Variants in FAT3 observed in about 807,000 individuals in gnomAD.
FAT3 encodes FAT atypical cadherin 3.
FAT3 carries 95 observed loss-of-function variants against 310.2 expected under a neutral mutation model. The observed-to-expected ratio is 0.31, with a 90% CI of 0.26 to 0.36. FAT3 has a LOEUF of 0.36. Among genes scored for constraint, FAT3 ranks in the 10% least tolerant of loss-of-function variants. The pLI is 1.00. For synonymous variants in FAT3, 2,314 were observed against 2,192.9 expected (o/e 1.06, Z -1.54); for missense variants, 5,408 against 5,715.6 (o/e 0.95, Z 1.74).
At chr11:92,236,503 T>C (rs1864427062) in intron 1 of FAT3, among the ~76,000 whole-genome samples, 1 of 152,192 alleles carries the variant, frequency 6.6e-6, no homozygotes, top group African/African-American at 2.4e-5. Flanking sequence ...AAATATTCAA[T>C]GACTATTTCC....
At chr11:92,628,367 T>A (rs1056723295) in intron 3 of FAT3, among the ~76,000 whole-genome samples, 1 of 152,232 alleles carries the variant, frequency 6.6e-6, no homozygotes, top group Non-Finnish European at 1.5e-5. Context: ...TAGCTTCTGT[T>A]CTTCGTGTTT....
chr11:92,428,904 C>T (rs543550240), intron 2 of FAT3, among the ~76,000 whole-genome samples: 17 of 152,172 alleles, frequency 1.1e-4, no homozygotes, highest in South Asian at 2.1e-4. Flanking sequence ...TCCACTCGGT[C>T]GAGAGCTGAG....
At chr11:92,444,001 C>G (rs1591299140) in intron 2 of FAT3, among the ~76,000 whole-genome samples, 1 of 152,140 alleles carries the variant, frequency 6.6e-6, no homozygotes, top group South Asian at 2.1e-4. Flanking sequence ...ACAGTGTTTC[C>G]TATGCATCAT....
At chr11:92,551,414 T>TTGTTTTGTTTTGTGTGTG (rs35238743) in intron 3 of FAT3, among the ~76,000 whole-genome samples, 2 of 128,876 alleles carry the variant, frequency 1.6e-5, no homozygotes, top group Non-Finnish European at 3.2e-5. Flanking sequence ...TTTTTTTGTT[T>TTGTTTTGTTTTGTGTGTG]TGTGTGTGTG....
chr11:92,476,766 A>G (rs1952062268), intron 2 of FAT3, among the ~76,000 whole-genome samples: 1 of 152,220 alleles, frequency 6.6e-6, no homozygotes. Flanking sequence ...TGCAGTGGGT[A>G]CTATGAATAC....
chr11:92,856,070 T>G (rs1451670125), intron 19 of FAT3, among the ~76,000 whole-genome samples: 1 of 151,422 alleles, frequency 6.6e-6, no homozygotes, highest in Admixed American at 6.6e-5. Flanking sequence ...AACCTCAAAT[T>G]TCTGACCTTA....
At chr11:92,696,091 A>C (rs2135902614) in intron 3 of FAT3, among the ~76,000 whole-genome samples, 1 of 149,870 alleles carries the variant, frequency 6.7e-6, no homozygotes, top group East Asian at 1.9e-4. Context: ...CTTGAATCAT[A>C]AGCTCATTTT....
intron 3 of FAT3, among the ~76,000 whole-genome samples, chr11:92,618,870 A>G (rs897545687): frequency 2.0e-4 from 31 of 152,126 alleles, no homozygotes; most frequent in Admixed American, 1.1e-3. Context: ...TAGAACTTCC[A>G]ATAGAAATCT....
chr11:92,335,640 A>G (rs534983984), intron 1 of FAT3, among the ~76,000 whole-genome samples: 62 of 152,304 alleles, frequency 4.1e-4, no homozygotes, highest in African/African-American at 1.3e-3. Context: ...AAAATTGACC[A>G]TCTTAGCCAT....
chr11:92,413,811 C>T (rs1950349139), intron 2 of FAT3, among the ~76,000 whole-genome samples: 2 of 152,090 alleles, frequency 1.3e-5, no homozygotes, highest in Non-Finnish European at 2.9e-5. Context: ...TGTTGACAGG[C>T]GGGAGAGGAA....
chr11:92,433,798 C>T (rs1018215000), intron 2 of FAT3, among the ~76,000 whole-genome samples: 2 of 151,636 alleles, frequency 1.3e-5, no homozygotes, highest in Non-Finnish European at 2.9e-5. Flanking sequence ...ATCATGAGGT[C>T]AGGAGATTGA....
chr11:92,526,212 A>G (rs1406158055), intron 3 of FAT3, among the ~76,000 whole-genome samples: 2 of 152,162 alleles, frequency 1.3e-5, no homozygotes, highest in Non-Finnish European at 2.9e-5. Context: ...CAGGCCTCCA[A>G]CTTTCCTGGG....
At chr11:92,842,827 T>A (rs1427153589) in intron 18 of FAT3, among the ~76,000 whole-genome samples, 6 of 152,320 alleles carry the variant, frequency 3.9e-5, no homozygotes, top group African/African-American at 1.2e-4. Context: ...TGCAGTGAGC[T>A]GTGATTGTAC....
chr11:92,567,120 A>G (rs924793783), intron 3 of FAT3, among the ~76,000 whole-genome samples: 1 of 151,980 alleles, frequency 6.6e-6, no homozygotes, highest in Non-Finnish European at 1.5e-5. Context: ...ATAGGAGAAA[A>G]TTTTCACAAC....
rs75311037 is a variant in FAT3 at position 92,501,936 on chromosome 11, G to C, written c.3293-22698G>C. The stretch of plus-strand genomic sequence containing the variant: ...GATGCCATGCTTATGAACTCGAGGA[G>C]TTCACAACTTAATGAGAGGAGCAAA... On this transcript the variant is annotated intron_variant, in intron 2 of 27. Transcript: ENST00000525166. Among the ~76,000 whole-genome samples the C allele has an allele frequency of 8.6e-4, 131 of 151,886 alleles. 1 individual carries two copies. The highest frequency in any genetic ancestry group is 1.4e-3 in the Non-Finnish European group (97 of 67,942).
chr11:92,435,445 T>C (rs1290220642), intron 2 of FAT3, among the ~76,000 whole-genome samples: 1 of 151,948 alleles, frequency 6.6e-6, no homozygotes, highest in African/African-American at 2.4e-5. Flanking sequence ...TCTCTTCTTA[T>C]TTCTTCACAT....
At chr11:92,402,738 AAAAAG>A (rs1950046615) in intron 2 of FAT3, among the ~76,000 whole-genome samples, 1 of 151,688 alleles carries the variant, frequency 6.6e-6, no homozygotes, top group African/African-American at 2.4e-5. Flanking sequence ...TCTCAAAAAA[AAAAAG>A]AAAGAAAGAA....
chr11:92,703,609 T>C (rs1944169250), intron 4 of FAT3, among the ~76,000 whole-genome samples: 1 of 152,238 alleles, frequency 6.6e-6, no homozygotes, highest in Non-Finnish European at 1.5e-5. Context: ...CTGACCTCTT[T>C]CCACTCATTC....
chr11:92,511,200 T>A (rs982085428), intron 2 of FAT3, among the ~76,000 whole-genome samples: 5 of 152,210 alleles, frequency 3.3e-5, no homozygotes, highest in African/African-American at 1.2e-4. Flanking sequence ...GGGCATAATT[T>A]TAAGAAAATT....
Sources: allele counts gnomAD v4.1 joint callset (sites outside exome capture counted in the v4.1 genomes callset), GRCh38; gene constraint gnomAD v4.1.1; transcripts MANE v1.5; gene names NCBI Gene and HGNC (gene_info 2026-07-23, HGNC 2026-07-21).